Variants in DSTYK observed in about 807,000 individuals in gnomAD.
DSTYK encodes the protein RIP-homologous kinase.
A neutral mutation model predicts 98.7 loss-of-function variants in DSTYK; 34 were observed. The ratio of observed to expected loss-of-function variants is 0.34; its 90% CI spans 0.26 to 0.46. The LOEUF (loss-of-function observed/expected upper bound fraction) is 0.46. Ranked by LOEUF, DSTYK falls within the 20% of genes least tolerant of loss-of-function variation. The pLI is 1.00. For missense variants in DSTYK, 962 were observed against 1,181.7 expected (o/e 0.81, Z 2.73); for synonymous variants, 462 against 457.3 (o/e 1.01, Z -0.13).
intron 2 of DSTYK, among the ~76,000 whole-genome samples, chr1:205,179,880 T>C (rs1297092345): frequency 5.9e-5 from 9 of 152,126 alleles, no homozygotes; most frequent in Non-Finnish European, 5.9e-5. Flanking sequence ...CCCTACCCCA[T>C]CCATCCTCTA....
In DSTYK at chr1:205,159,559, G is replaced by A; in HGVS notation, c.2226C>T (p.Tyr742=). ...GCTCTCTCCTTACCTTCAGCCCTGTGTAGAGATCCCGGTGTAGCCGCTCCA... is the reference window on the plus strand; with the variant it reads ...GCTCTCTCCTTACCTTCAGCCCTGTATAGAGATCCCGGTGTAGCCGCTCCA... ...LIMERLHRDL[Y]TGLKAGLTLE... is the part of the protein sequence containing the mutation. The change falls in exon 9 of 13, where the codon TAC becomes TAT. Residue 742 remains tyrosine (Y), a synonymous_variant. Transcript: ENST00000367162. 2 of 1,611,580 alleles carry A rather than the reference G, an allele frequency of 1.2e-6. No individual in the cohort carries two copies. The highest frequency in any genetic ancestry group is 1.7e-6 in the Non-Finnish European group (2 of 1,179,022).
intron 9 of DSTYK, 53 bp from the exon 10 acceptor site, chr1:205,157,439 A>G (rs1657595258): frequency 7.1e-7 from 1 of 1,411,762 alleles, no homozygotes; most frequent in South Asian, 1.2e-5. Context: ...CCTCAATTCA[A>G]CTGACTATAC....
chr1:205,149,876 CTTCA>C (rs538123050), intron 11 of DSTYK, among the ~76,000 whole-genome samples: 18 of 152,146 alleles, frequency 1.2e-4, no homozygotes, highest in Non-Finnish European at 2.1e-4. Flanking sequence ...CTGTGATTTT[CTTCA>C]TTATTTCCCC....
chr1:205,177,430 T>C (rs1197319227), intron 2 of DSTYK, among the ~76,000 whole-genome samples: 1 of 152,224 alleles, frequency 6.6e-6, no homozygotes, highest in Non-Finnish European at 1.5e-5. Context: ...GACATTCTCA[T>C]GGGGCATTTG....
intron 10 of DSTYK, among the ~76,000 whole-genome samples, chr1:205,155,746 A>G (rs1467005191): frequency 6.6e-6 from 1 of 152,204 alleles, no homozygotes; most frequent in African/African-American, 2.4e-5. Context: ...AATTTTCGTA[A>G]GTAATGAGGA....
At chr1:205,152,576 A>G (rs1361481395) in intron 10 of DSTYK, among the ~76,000 whole-genome samples, 1 of 152,120 alleles carries the variant, frequency 6.6e-6, no homozygotes, top group African/African-American at 2.4e-5. Context: ...CCTGCCGCCA[A>G]CCTTCCTGTC....
chr1:205,169,516 C>T lies in DSTYK; in HGVS notation c.971G>A (p.Gly324Asp), dbSNP rs765333744. The T allele has an allele frequency of 6.2e-7, 1 of 1,614,134 alleles. No homozygotes were observed. Among genetic ancestry groups the T allele is most frequent in the Non-Finnish European group, 8.5e-7 (1 of 1,180,030 alleles). The change falls in exon 3 of 13, where the codon GGC (glycine) becomes GAC (aspartate). Residue 324 changes from glycine to aspartate, a missense_variant. Physicochemically the swap from Gly to Asp is moderately conservative, Grantham distance 94 (BLOSUM62 -1). This residue lies in a region of DSTYK where 660 missense variants were observed against 855.0 expected (regional missense o/e 0.77). Coordinates refer to ENST00000367162, the MANE Select transcript of DSTYK (RefSeq NM_015375.3). This position sits in a 1 kb window ranked among gnomAD's most constrained non-coding sequence, Gnocchi z 4.0. ...CATGCTCTGAGCTTTAGTATCCTGG[C>T]CAGGAGCCCCACAGTTCCAGTGACT... ...SSSHWNCGAPGQDTKAQSMLV... is the reference protein window; with the variant it reads ...SSSHWNCGAPDQDTKAQSMLV...
chr1:205,173,390 CAAAAAAAAAAAAA>C (rs570805658), intron 2 of DSTYK: 3 of 82,606 alleles, frequency 3.6e-5, no homozygotes, highest in Non-Finnish European at 6.7e-5. Context: ...GAGACTGTCT[CAAAAAAAAAAAAA>C]AAAAAAAAGA....
At chr1:205,153,180 C>T (rs900388763) in intron 10 of DSTYK, among the ~76,000 whole-genome samples, 7 of 152,202 alleles carry the variant, frequency 4.6e-5, no homozygotes, top group Admixed American at 6.5e-5. Context: ...TTAGGGAGAT[C>T]GTTCCCTTCC....
intron 1 of DSTYK, 49 bp downstream of exon 1, chr1:205,211,222 C>A: frequency 1.3e-6 from 2 of 1,537,060 alleles, no homozygotes; most frequent in Middle Eastern, 2.1e-4. Flanking sequence ...GCGGTCCGTC[C>A]TCCGATTTGC....
intron 1 of DSTYK, among the ~76,000 whole-genome samples, chr1:205,191,599 T>C (rs1658715474): frequency 6.6e-6 from 1 of 152,220 alleles, no homozygotes; most frequent in South Asian, 2.1e-4. Flanking sequence ...GGATGGGTGG[T>C]TGGTGTGGTG....
chr1:205,164,793 G>A lies in DSTYK; in HGVS notation c.1325-838C>T, dbSNP rs185006438. 1.2e-3 allele frequency among the ~76,000 whole-genome samples: 176 copies of A among 152,244 alleles called. 8 individuals carry two copies. The East Asian group carries it at 0.021, about 18-fold the overall frequency. ...TAGCTTTTATGTCACATTTATAGGA[G>A]GGGAGGAACAACATTTATGAAGTGC... On this transcript the variant is annotated intron_variant, in intron 3 of 12. Coordinates refer to ENST00000367162, the MANE Select transcript of DSTYK (RefSeq NM_015375.3).
chr1:205,169,414 G>A lies in DSTYK; in HGVS notation c.1073C>T (p.Ala358Val), dbSNP rs1657985480. The change falls in exon 3 of 13, where the codon GCA (alanine) becomes GTA (valine). Residue 358 changes from alanine to valine, a missense_variant. Physicochemically the swap from Ala to Val is moderately conservative, Grantham distance 64 (BLOSUM62 0). This residue lies in a region of DSTYK where 660 missense variants were observed against 855.0 expected (regional missense o/e 0.77). Coordinates refer to ENST00000367162, the MANE Select transcript of DSTYK (RefSeq NM_015375.3). The surrounding 1 kb of genome is among the most constrained non-coding windows in gnomAD (Gnocchi z 4.0). ...HQVLQTRLVDAAKALNLVHCH... is the reference protein window; with the variant it reads ...HQVLQTRLVDVAKALNLVHCH... The stretch of plus-strand genomic sequence containing the variant: ...GTGCACCAGGTTCAGGGCCTTGGCT[G>A]CATCCACCAGGCGAGTCTGTAACAC... 1.2e-6 allele frequency: 2 copies of A among 1,614,166 alleles called. No individual in the cohort carries two copies. The highest frequency in any genetic ancestry group is 1.7e-6 in the Non-Finnish European group (2 of 1,180,044).
intron 2 of DSTYK, among the ~76,000 whole-genome samples, chr1:205,179,212 T>C (rs923775054): frequency 6.6e-6 from 1 of 151,918 alleles, no homozygotes; most frequent in Non-Finnish European, 1.5e-5. Flanking sequence ...AACCAGGATA[T>C]AAATCCAGGT....
Position 205,163,869 on chromosome 1 carries a change from G to C in DSTYK, c.1411C>G (p.Arg471Gly). 6.2e-7 allele frequency: 1 copy of C among 1,614,090 alleles called. No homozygotes were observed. Residue 471 changes from arginine (R) to glycine (G), a missense_variant, in exon 4 of 13, where the codon CGA (arginine) becomes GGA (glycine). By Grantham distance (125) the Arg-to-Gly change is moderately radical. Coordinates refer to ENST00000367162, the MANE Select transcript of DSTYK (RefSeq NM_015375.3). ...IRQIQELIIS[R>G]LNQAVANKLI... ...TTATTAGCCACTGCCTGATTAAGTC[G>C]GGAGATGATGAGTTCCTGGATCTGT...
At chr1:205,178,398 A>G (rs192380545) in intron 2 of DSTYK, among the ~76,000 whole-genome samples, 1 of 152,258 alleles carries the variant, frequency 6.6e-6, no homozygotes, top group Admixed American at 6.5e-5. Context: ...TAACAGTAGA[A>G]ATCTGAATTT....
chr1:205,156,840 A>G (rs1574752245), intron 10 of DSTYK, among the ~76,000 whole-genome samples: 2 of 152,264 alleles, frequency 1.3e-5, no homozygotes, highest in East Asian at 3.9e-4. Flanking sequence ...CTTGAATTGT[A>G]GTTCCCATAA....
rs945337205 is a variant in DSTYK, at chr1:205,163,763, T to C, written c.1517A>G (p.Gln506Arg). The C allele has an allele frequency of 1.9e-6, 3 of 1,614,164 alleles. No homozygotes were observed. The highest frequency in any genetic ancestry group is 2.5e-6 in the Non-Finnish European group (3 of 1,180,012). Residue 506 changes from glutamine to arginine, a missense_variant, in exon 4 of 13, where the codon CAG becomes CGG. Gln to Arg is a conservative substitution (Grantham distance 43). Transcript: ENST00000367162. Reference protein sequence around the residue: ...ERCLQSLEKSQDVSVHITSNY... With the variant: ...ERCLQSLEKSRDVSVHITSNY... ...ACTGGTGATGTGAACTGAGACATCC[T>C]GAGACTTCTCCAGGCTCTGCAGACA... is the stretch of plus-strand genomic sequence containing the variant.
Position 205,150,317 on chromosome 1 carries a change from T to C in DSTYK, c.2467+363A>G, listed in dbSNP as rs1323424964. 3.3e-5 allele frequency among the ~76,000 whole-genome samples: 5 copies of C among 152,196 alleles called. No homozygotes were observed. The East Asian group carries it at 9.6e-4, about 29-fold the overall frequency. On this transcript the variant is annotated intron_variant, in intron 11 of 12. Coordinates refer to ENST00000367162, the MANE Select transcript of DSTYK (RefSeq NM_015375.3). The surrounding 1 kb of genome is among the most constrained non-coding windows in gnomAD (Gnocchi z 4.1). Reference sequence around the variant, plus strand: ...ATACGTTGTGTTGTACTGCTTCCTATTTTACCTCTTAATATATCTCTATGT... The same window carrying C: ...ATACGTTGTGTTGTACTGCTTCCTACTTTACCTCTTAATATATCTCTATGT...
Sources: allele counts gnomAD v4.1 joint callset (sites outside exome capture counted in the v4.1 genomes callset), GRCh38; gene constraint gnomAD v4.1.1; regional missense constraint gnomAD v4.1.1; non-coding constraint Gnocchi (gnomAD v3.1); transcripts MANE v1.5; gene names NCBI Gene and HGNC (gene_info 2026-07-23, HGNC 2026-07-21).